The following TRPC5 variants were observed in gnomAD, a reference collection of about 807,000 sequenced individuals.
TRPC5 encodes the protein short transient receptor potential channel 5.
Under a neutral mutation model 56.5 loss-of-function variants are expected in TRPC5, and 9 were observed. The observed-to-expected ratio is 0.16, with a 90% CI of 0.10 to 0.28. TRPC5 has a LOEUF of 0.28. Among genes scored for constraint, TRPC5 ranks in the 10% least tolerant of loss-of-function variants. The probability of loss-of-function intolerance (pLI) is 1.00; values close to 1 mark genes in which losing one functional copy is unlikely to be tolerated. For synonymous variants in TRPC5, 282 were observed against 278.5 expected (o/e 1.01, Z -0.13); for missense variants, 469 against 748.9 (o/e 0.63, Z 4.36).
At chrX:111,810,651 A>G (rs1038911986) in intron 7 of TRPC5, among the ~76,000 whole-genome samples, 2 of 111,977 alleles carry the variant, frequency 1.8e-5, no homozygotes, top group Non-Finnish European at 3.8e-5. Flanking sequence ...ACAAAATATA[A>G]TTGATGCTGA....
At chrX:111,934,568 TTCTA>T (rs1023737422) in intron 2 of TRPC5, among the ~76,000 whole-genome samples, 1 of 111,401 alleles carries the variant, frequency 9.0e-6, no homozygotes, top group Non-Finnish European at 1.9e-5. Flanking sequence ...CTCTTTTTCA[TTCTA>T]TCTATCTTTG....
intron 2 of TRPC5, among the ~76,000 whole-genome samples, chrX:111,917,136 AT>A (rs1926000854): frequency 8.9e-6 from 1 of 111,997 alleles, no homozygotes; most frequent in African/African-American, 3.2e-5. Flanking sequence ...GGAGGAAAAA[AT>A]ATCCTGTTTT....
At chrX:111,819,262 T>C (rs1360155714) in intron 7 of TRPC5, among the ~76,000 whole-genome samples, 2 of 111,886 alleles carry the variant, frequency 1.8e-5, no homozygotes, top group East Asian at 5.6e-4. Flanking sequence ...TTATGTTTCC[T>C]GCAGAAAAAA....
At chrX:111,999,719 A>G (rs190936505) in intron 1 of TRPC5, among the ~76,000 whole-genome samples, 4 of 112,148 alleles carry the variant, frequency 3.6e-5, no homozygotes, top group African/African-American at 9.7e-5. Context: ...TAATCCCGGT[A>G]CTTTGGGAGG....
chrX:111,802,942 C>T (rs921684446), intron 7 of TRPC5, among the ~76,000 whole-genome samples: 34 of 110,252 alleles, frequency 3.1e-4, no homozygotes, highest in South Asian at 7.8e-4. Flanking sequence ...GGTATACATG[C>T]GCCATGTTGG....
At chrX:111,838,299 C>T (rs1027713941) in intron 6 of TRPC5, among the ~76,000 whole-genome samples, 3 of 110,403 alleles carry the variant, frequency 2.7e-5, no homozygotes, top group African/African-American at 3.3e-5. Context: ...CAGTGTGGTC[C>T]GGTCATCAGG....
At chrX:112,030,263 C>A (rs190789539) in intron 1 of TRPC5, among the ~76,000 whole-genome samples, 1 of 112,666 alleles carries the variant, frequency 8.9e-6, no homozygotes, top group Non-Finnish European at 1.9e-5. Flanking sequence ...CATGTATCAT[C>A]TTGTGTAATA....
chrX:111,960,466 T>C lies in TRPC5; in HGVS notation c.-21-8025A>G, dbSNP rs375482892. Among the ~76,000 whole-genome samples the C allele has an allele frequency of 1.2e-4, 13 of 112,496 alleles. No homozygotes were observed. In the East Asian group the frequency reaches 3.3e-3, roughly 29 times the overall value. The stretch of plus-strand genomic sequence containing the variant: ...AAGTTATATATTTGTTTCCCTTAAG[T>C]CATTCAGCTGCATGGGGGATTTTAA... On this transcript the variant is annotated intron_variant, in intron 1 of 10. Transcript: ENST00000262839.
rs1923326013 is a variant in TRPC5, at chrX:111,859,186, G to GT, written c.901-5081dup. On this transcript the variant is annotated intron_variant, in intron 3 of 10. Coordinates refer to ENST00000262839, the MANE Select transcript of TRPC5 (RefSeq NM_012471.3). ...TTTCATTGTTAGCCCCAGAAGGGAT[G>GT]TTAGAGGTTGCTTTCTCAGCTCTTT... Among the ~76,000 whole-genome samples the GT allele has an allele frequency of 2.7e-5, 3 of 111,495 alleles. 1 individual carries two copies. The Admixed American group carries it at 2.9e-4, about 11-fold the overall frequency.
In TRPC5 at chrX:111,975,065, A is replaced by C. The variant is rs145434301; in HGVS notation, c.-21-22624T>G. Among the ~76,000 whole-genome samples, 759 of 111,053 alleles carry C rather than the reference A, an allele frequency of 6.8e-3. 4 individuals carry two copies. Among genetic ancestry groups the C allele is most frequent in the African/African-American group, 0.023 (713 of 30,516 alleles). ...GTCTATGCCCAGAAAGCACCTGAGA[A>C]GGCCCTAATCACTCATGTAAGAGTG... On this transcript the variant is annotated intron_variant, in intron 1 of 10. Coordinates refer to ENST00000262839, the MANE Select transcript of TRPC5 (RefSeq NM_012471.3).
At chrX:111,976,203 G>A (rs190290436) in intron 1 of TRPC5, among the ~76,000 whole-genome samples, 268 of 111,367 alleles carry the variant, frequency 2.4e-3, no homozygotes, top group African/African-American at 7.3e-3. Flanking sequence ...TGGGAAGATT[G>A]CTTGAGCCCA....
At chrX:111,913,917 G>A (rs376567301) in intron 2 of TRPC5, among the ~76,000 whole-genome samples, 4 of 102,219 alleles carry the variant, frequency 3.9e-5, no homozygotes, top group African/African-American at 7.4e-5. Context: ...CCGAGATCAC[G>A]CCACTGCACT....
chrX:112,011,545 G>A (rs1744701922), intron 1 of TRPC5, among the ~76,000 whole-genome samples: 1 of 111,577 alleles, frequency 9.0e-6, no homozygotes, highest in Non-Finnish European at 1.9e-5. Context: ...CTTTGGCTGT[G>A]CTGAATTCCT....
intron 3 of TRPC5, among the ~76,000 whole-genome samples, chrX:111,887,369 A>T (rs990912834): frequency 8.9e-6 from 1 of 112,292 alleles, no homozygotes; most frequent in Non-Finnish European, 1.9e-5. Flanking sequence ...ACATAAGCTC[A>T]GGTCTTTGAT....
intron 1 of TRPC5, among the ~76,000 whole-genome samples, chrX:112,006,829 G>A (rs1206614655): frequency 8.9e-6 from 1 of 111,804 alleles, no homozygotes; most frequent in Non-Finnish European, 1.9e-5. Context: ...GGGTCCAGAT[G>A]GGGAGAAACA....
At chrX:111,780,519 G>A (rs1945911213) in intron 9 of TRPC5, among the ~76,000 whole-genome samples, 1 of 110,398 alleles carries the variant, frequency 9.1e-6, no homozygotes, top group South Asian at 3.9e-4. Flanking sequence ...TATACTCTGG[G>A]GATTGGTCCC....
chrX:111,851,613 C>T (rs574263005), intron 5 of TRPC5, among the ~76,000 whole-genome samples: 2 of 109,336 alleles, frequency 1.8e-5, no homozygotes, highest in South Asian at 4.0e-4. Context: ...TATAACTGCT[C>T]GAGTGATTAT....
intron 4 of TRPC5, 117 bp from the exon 5 acceptor site, chrX:111,852,554 G>A: frequency 1.2e-6 from 1 of 822,284 alleles, no homozygotes; most frequent in Non-Finnish European, 1.7e-6. Context: ...GGGTCTCAGT[G>A]GAGTGAAGCC....
At chrX:112,034,908 A>C (rs778399955) in intron 1 of TRPC5, among the ~76,000 whole-genome samples, 1 of 107,954 alleles carries the variant, frequency 9.3e-6, no homozygotes, top group Non-Finnish European at 1.9e-5. Flanking sequence ...TGATCTTATC[A>C]AACAACTAAC....
Sources: gnomAD v4.1 joint callset for allele counts (sites outside exome capture counted in the v4.1 genomes callset) on GRCh38, gnomAD v4.1.1 for gene constraint, MANE v1.5 for transcripts, NCBI Gene and HGNC (gene_info 2026-07-23, HGNC 2026-07-21) for gene names.